RBFOX1: variants seen among roughly 807,000 people sequenced by gnomAD.
RBFOX1 encodes the protein RNA binding protein fox-1 homolog 1.
A neutral mutation model predicts 57.7 loss-of-function variants in RBFOX1; 8 were observed. That is an observed-to-expected ratio of 0.14 (90% CI 0.08 to 0.25). The LOEUF (loss-of-function observed/expected upper bound fraction) is 0.25. Ranked by LOEUF, RBFOX1 falls within the 10% of genes least tolerant of loss-of-function variation. RBFOX1 has a pLI of 1.00. For synonymous variants in RBFOX1, 326 were observed against 222.4 expected (o/e 1.47, Z -4.15); for missense variants, 611 against 548.5 (o/e 1.11, Z -1.14).
rs188764572 is a variant in RBFOX1, at chr16:7,324,863, T to G, written c.28-193284T>G. Among the ~76,000 whole-genome samples, 23 of 152,354 alleles carry G rather than the reference T, an allele frequency of 1.5e-4. No homozygotes were observed. In the East Asian group the frequency reaches 4.4e-3, roughly 29 times the overall value. ...TTACTTCTGATTTAAAGGTACCATC[T>G]TCATCATCCCTAAAAACCATAAATT... is the stretch of plus-strand genomic sequence containing the variant. On this transcript the variant is annotated intron_variant, in intron 4 of 15. Coordinates refer to ENST00000550418, the MANE Select transcript of RBFOX1 (RefSeq NM_018723.4).
chr16:5,737,959 A>C (rs955307479), intron 3 of RBFOX1, among the ~76,000 whole-genome samples: 5 of 152,116 alleles, frequency 3.3e-5, no homozygotes, highest in African/African-American at 1.2e-4. Context: ...TGCACCCGCC[A>C]ACCTGTCATC....
intron 4 of RBFOX1, among the ~76,000 whole-genome samples, chr16:7,409,729 T>C (rs2098403729): frequency 6.6e-6 from 1 of 152,212 alleles, no homozygotes; most frequent in Non-Finnish European, 1.5e-5. Context: ...GGAAGTTAGA[T>C]TTTCTAGAAA....
At chr16:6,454,693 T>C (rs1273659984) in intron 2 of RBFOX1, among the ~76,000 whole-genome samples, 1 of 152,036 alleles carries the variant, frequency 6.6e-6, no homozygotes, top group Non-Finnish European at 1.5e-5. Flanking sequence ...CTGGGAGGTG[T>C]TGATAGAGTG....
At chr16:5,563,870 A>G (rs1264900519) in intron 2 of RBFOX1, among the ~76,000 whole-genome samples, 1 of 152,156 alleles carries the variant, frequency 6.6e-6, no homozygotes, top group Admixed American at 6.5e-5. Context: ...GTTGGTAACC[A>G]CTAACCTGCT....
intron 4 of RBFOX1, among the ~76,000 whole-genome samples, chr16:7,312,882 C>A (rs1306996658): frequency 8.7e-6 from 1 of 114,672 alleles, no homozygotes; most frequent in African/African-American, 3.4e-5. Flanking sequence ...GATCGTCACC[C>A]AGGAGAGTCT....
intron 2 of RBFOX1, among the ~76,000 whole-genome samples, chr16:6,516,104 C>G (rs1020386286): frequency 6.6e-6 from 1 of 152,138 alleles, no homozygotes; most frequent in Non-Finnish European, 1.5e-5. Context: ...TCTTGGCTCA[C>G]TGTAACTTCC....
chr16:7,023,612 T>C (rs1307580694), intron 3 of RBFOX1, among the ~76,000 whole-genome samples: 2 of 119,656 alleles, frequency 1.7e-5, no homozygotes, highest in East Asian at 2.6e-4. Flanking sequence ...GCCATAGTGG[T>C]ACATGACTAT....
At chr16:6,806,139 ATTAG>A (rs1319021367) in intron 3 of RBFOX1, among the ~76,000 whole-genome samples, 1 of 152,194 alleles carries the variant, frequency 6.6e-6, no homozygotes, top group East Asian at 1.9e-4. Context: ...TTAGAGTGGA[ATTAG>A]TTAGAATAGA....
At chr16:5,583,530 C>T (rs1037826094) in intron 2 of RBFOX1, among the ~76,000 whole-genome samples, 2 of 152,126 alleles carry the variant, frequency 1.3e-5, no homozygotes, top group African/African-American at 4.8e-5. Context: ...GCGAGGCAAT[C>T]CTGGAGTGTC....
chr16:6,631,604 C>T (rs930263470), intron 2 of RBFOX1, among the ~76,000 whole-genome samples: 3 of 152,010 alleles, frequency 2.0e-5, no homozygotes, highest in Admixed American at 1.3e-4. Flanking sequence ...AGCTAAGAAG[C>T]TAGTTGATGT....
chr16:5,415,433 A>G (rs1375870249), intron 1 of RBFOX1, among the ~76,000 whole-genome samples: 1 of 152,190 alleles, frequency 6.6e-6, no homozygotes, highest in African/African-American at 2.4e-5. Flanking sequence ...ACAATTAGAG[A>G]TGAGATTTGG....
chr16:7,534,480 C>T (rs149992903), intron 5 of RBFOX1, among the ~76,000 whole-genome samples: 14 of 152,186 alleles, frequency 9.2e-5, no homozygotes, highest in African/African-American at 2.6e-4. Flanking sequence ...CTGAAGCTTA[C>T]GTGTAGAATA....
intron 2 of RBFOX1, among the ~76,000 whole-genome samples, chr16:5,593,382 C>A (rs1233724648): frequency 2.0e-5 from 3 of 152,066 alleles, no homozygotes; most frequent in Admixed American, 2.0e-4. Context: ...AGGAGAAATA[C>A]CTAATGTAGA....
At chr16:7,702,760 G>T (rs147522336) in intron 14 of RBFOX1, among the ~76,000 whole-genome samples, 3 of 152,322 alleles carry the variant, frequency 2.0e-5, no homozygotes, top group African/African-American at 4.8e-5. Flanking sequence ...TCCAGATGCA[G>T]TTCCTCCGGA....
At chr16:7,337,884 C>A (rs1036356977) in intron 4 of RBFOX1, among the ~76,000 whole-genome samples, 4 of 152,158 alleles carry the variant, frequency 2.6e-5, no homozygotes, top group Non-Finnish European at 5.9e-5. Flanking sequence ...AGGGTTTCAC[C>A]ATGTTGGTTA....
intron 3 of RBFOX1, among the ~76,000 whole-genome samples, chr16:6,674,762 A>T (rs1169622842): frequency 6.6e-6 from 1 of 152,222 alleles, no homozygotes; most frequent in African/African-American, 2.4e-5. Flanking sequence ...CACCAGCAGA[A>T]GCTACAAGAG....
Position 7,225,484 on chromosome 16 carries a change from C to T in RBFOX1, c.27+173386C>T, listed in dbSNP as rs551940420. Among the ~76,000 whole-genome samples the T allele has an allele frequency of 1.6e-4, 25 of 152,036 alleles. No individual in the cohort carries two copies. The South Asian group carries it at 4.6e-3, about 28-fold the overall frequency. On this transcript the variant is annotated intron_variant, in intron 4 of 15. Transcript: ENST00000550418. ...CATGATTGTGAGGCCTCCCCAGCCACGTATAACTGTAAGTCCATTAAATCT... is the reference window on the plus strand; with the variant it reads ...CATGATTGTGAGGCCTCCCCAGCCATGTATAACTGTAAGTCCATTAAATCT...
intron 4 of RBFOX1, among the ~76,000 whole-genome samples, chr16:5,994,771 C>T (rs2060463641): frequency 1.3e-5 from 2 of 152,212 alleles, no homozygotes; most frequent in African/African-American, 4.8e-5. Context: ...CCCTACTCCA[C>T]ACCACAAATT....
chr16:5,645,275 CA>C (rs34233346), intron 3 of RBFOX1, among the ~76,000 whole-genome samples: 113,724 of 148,192 alleles, frequency 0.77, 50,846 homozygotes, highest in East Asian at 1. Context: ...GAAACAAAAA[CA>C]AAAAAAAAAA....
Sources: allele counts gnomAD v4.1 joint callset (sites outside exome capture counted in the v4.1 genomes callset), GRCh38; gene constraint gnomAD v4.1.1; transcripts MANE v1.5; gene names NCBI Gene and HGNC (gene_info 2026-07-23, HGNC 2026-07-21).